Variants in HIF1A observed in about 807,000 individuals in gnomAD.
The protein encoded by HIF1A is hypoxia inducible factor 1 subunit alpha, also known as hypoxia-inducible factor 1-alpha.
In HIF1A, 24 loss-of-function variants were observed where a neutral mutation model predicts 92.7. The ratio of observed to expected loss-of-function variants is 0.26; its 90% CI spans 0.19 to 0.36. The LOEUF is 0.36. Ranked by LOEUF, HIF1A falls within the 10% of genes least tolerant of loss-of-function variation. The pLI, the probability that HIF1A is intolerant of heterozygous loss-of-function variation, is 1.00. For synonymous variants in HIF1A, 319 were observed against 338.7 expected (o/e 0.94, Z 0.64); for missense variants, 799 against 998.5 (o/e 0.80, Z 2.69).
Position 61,747,601 on chromosome 14 carries a change from G to A in HIF1A, c.*516G>A, listed in dbSNP as rs1356614289. ...CAGTTACTCATGGAATATATTCTGC[G>A]TTTATAAAACTAGTTTTTAAGAAGA... On this transcript the variant is annotated 3_prime_UTR_variant, in exon 15 of 15. Coordinates refer to ENST00000337138, the MANE Select transcript of HIF1A (RefSeq NM_001530.4). 6 of 152,364 alleles carry A rather than the reference G, an allele frequency of 3.9e-5. No homozygotes were observed. Among genetic ancestry groups the A allele is most frequent in the South Asian group, 2.1e-4 (1 of 4,812 alleles). The allele number at this position is 152,364 out of a possible 1,614,324, so 9.4% of individuals were successfully genotyped here. A position where few individuals can be genotyped will look rare whatever the true frequency, so the allele number is the denominator to read the frequency against.
At chr14:61,712,469 G>A (rs1454171194) in intron 1 of HIF1A, among the ~76,000 whole-genome samples, 1 of 151,284 alleles carries the variant, frequency 6.6e-6, no homozygotes, top group Non-Finnish European at 1.5e-5. Context: ...GGAGTGATAT[G>A]ACTTGATTTC....
At chr14:61,702,940 A>C (rs1467899177) in intron 1 of HIF1A, among the ~76,000 whole-genome samples, 9 of 152,328 alleles carry the variant, frequency 5.9e-5, no homozygotes, top group African/African-American at 2.2e-4. Context: ...AATAGTGAGG[A>C]AGAGTATCAG....
In HIF1A at chr14:61,747,191, G is replaced by A. The variant is rs983334130; in HGVS notation, c.*106G>A. On this transcript the variant is annotated 3_prime_UTR_variant, in exon 15 of 15. Transcript: ENST00000337138. The stretch of plus-strand genomic sequence containing the variant: ...ATTTTAGAAGCCTGGCTACAATACT[G>A]CACAAACTTGGTTAGTTCAATTTTG... 7 of 935,828 alleles carry A rather than the reference G, an allele frequency of 7.5e-6. No individual in the cohort carries two copies. Among genetic ancestry groups the A allele is most frequent in the South Asian group, 1.9e-5 (1 of 52,594 alleles). The allele number at this position is 935,828 out of a possible 1,614,324, so 58.0% of individuals were successfully genotyped here.
Position 61,741,067 on chromosome 14 carries a change from C to T in HIF1A, c.1972C>T (p.Pro658Ser), listed in dbSNP as rs761540947. 6 of 1,613,772 alleles carry T rather than the reference C, an allele frequency of 3.7e-6. No homozygotes were observed. The highest frequency in any genetic ancestry group is 5.1e-6 in the Non-Finnish European group (6 of 1,179,644). The change falls in exon 12 of 15, where the codon CCA becomes TCA. Residue 658 changes from proline to serine, a missense_variant. By Grantham distance (74) the Pro-to-Ser change is moderately conservative. Around this residue, in one of 2 missense-constraint regions of HIF1A, gnomAD observed 283 missense variants for 277.5 expected, o/e 1.02. Transcript: ENST00000337138. ...HKETTSATSS[P>S]YRDTQSRTAS... ...AGAAACTACTAGTGCCACATCATCA[C>T]CATATAGAGATACTCAAAGTCGGAC... is the stretch of plus-strand genomic sequence containing the variant.
chr14:61,738,262 A>G lies in HIF1A; in HGVS notation c.1425A>G (p.Ala475=). 1 of 1,614,236 alleles carries G rather than the reference A, an allele frequency of 6.2e-7. No individual in the cohort carries two copies. The highest frequency in any genetic ancestry group is 1.1e-5 in the South Asian group (1 of 91,084). ...SADPALNQEV[A]LKLEPNPESL... is the part of the protein sequence containing the mutation. ...ACCCTGCACTCAATCAAGAAGTTGC[A>G]TTAAAATTAGAACCAAATCCAGAGT... The change falls in exon 10 of 15, where the codon GCA becomes GCG. Residue 475 remains alanine (A), a synonymous_variant. Coordinates refer to ENST00000337138, the MANE Select transcript of HIF1A (RefSeq NM_001530.4).
At chr14:61,737,901 C>T (rs2044657875) in intron 9 of HIF1A, among the ~76,000 whole-genome samples, 186 bp from the exon 10 acceptor site, 1 of 152,040 alleles carries the variant, frequency 6.6e-6, no homozygotes, top group African/African-American at 2.4e-5. Flanking sequence ...GTGGTGTGCG[C>T]CTGTAATCCC....
At chr14:61,728,086 T>A (rs189476804) in intron 6 of HIF1A, among the ~76,000 whole-genome samples, 23 of 152,120 alleles carry the variant, frequency 1.5e-4, no homozygotes, top group African/African-American at 5.3e-4. Flanking sequence ...GAATGATACA[T>A]CCTATAATAT....
chr14:61,737,106 A>G lies in HIF1A; in HGVS notation c.1246A>G (p.Asn416Asp). Residue 416 changes from asparagine (N) to aspartate (D), a missense_variant, in exon 9 of 15, where the codon AAC becomes GAC. Physicochemically the swap from Asn to Asp is conservative, Grantham distance 23. Around this residue, in one of 2 missense-constraint regions of HIF1A, gnomAD observed 516 missense variants for 721.0 expected, o/e 0.72. Transcript: ENST00000337138. ...AATCATATCTTTAGATTTTGGCAGCAACGGTGAGTAGTTATTTTTGTTAAT... is the reference window on the plus strand; with the variant it reads ...AATCATATCTTTAGATTTTGGCAGCGACGGTGAGTAGTTATTTTTGTTAAT... ...DTIISLDFGS[N>D]DTETDDQQLE... is the part of the protein sequence containing the mutation. 5 of 1,611,754 alleles carry G rather than the reference A, an allele frequency of 3.1e-6. No individual in the cohort carries two copies. The highest frequency in any genetic ancestry group is 4.2e-6 in the Non-Finnish European group (5 of 1,177,920).
intron 1 of HIF1A, among the ~76,000 whole-genome samples, chr14:61,698,562 A>G (rs2044141529): frequency 6.6e-6 from 1 of 151,790 alleles, no homozygotes; most frequent in Non-Finnish European, 1.5e-5. Context: ...AACTTCCACA[A>G]CTCTTAAAAC....
chr14:61,707,504 T>C (rs529787619), intron 1 of HIF1A, among the ~76,000 whole-genome samples: 2 of 151,906 alleles, frequency 1.3e-5, no homozygotes, highest in South Asian at 2.1e-4. Context: ...CCCCTTCCTG[T>C]GTCCATGTGT....
rs367755754 is a variant in HIF1A, at chr14:61,745,377, C to A, written c.2203-314C>A. Among the ~76,000 whole-genome samples, 54 of 152,256 alleles carry A rather than the reference C, an allele frequency of 3.5e-4. No homozygotes were observed. In the East Asian group the frequency reaches 6.2e-3, roughly 17 times the overall value. ...GGTGGAGGTTGCGATGAGCTGAGAT[C>A]AGGCCACTGCACTCCAGCCTGGGTA... On this transcript the variant is annotated intron_variant, in intron 13 of 14. Coordinates refer to ENST00000337138, the MANE Select transcript of HIF1A (RefSeq NM_001530.4).
At chr14:61,695,881 C>CCCCG (rs1566556835) in intron 1 of HIF1A, 42 bp downstream of exon 1, 1 of 1,541,502 alleles carries the variant, frequency 6.5e-7, no homozygotes, top group South Asian at 1.2e-5. Context: ...CCCCCGGCGA[C>CCCCG]CCCGCCCGCC....
At chr14:61,737,159 C>A (rs1377452211) in intron 9 of HIF1A, 50 bp downstream of exon 9, 5 of 1,297,452 alleles carry the variant, frequency 3.9e-6, no homozygotes, top group South Asian at 2.4e-5. Flanking sequence ...TTGCTACAAG[C>A]CCCATTTCAA....
intron 1 of HIF1A, among the ~76,000 whole-genome samples, chr14:61,705,167 A>G (rs990471740): frequency 2.0e-5 from 3 of 152,118 alleles, no homozygotes; most frequent in African/African-American, 7.2e-5. Flanking sequence ...AGATGTACCC[A>G]GTGACCTCAG....
intron 1 of HIF1A, among the ~76,000 whole-genome samples, chr14:61,719,339 G>A (rs560717623): frequency 2.0e-5 from 3 of 152,246 alleles, no homozygotes; most frequent in Non-Finnish European, 4.4e-5. Context: ...ATTAAGAAGA[G>A]AAATACTGTG....
intron 1 of HIF1A, among the ~76,000 whole-genome samples, chr14:61,701,861 G>C (rs2044180691): frequency 6.6e-6 from 1 of 152,068 alleles, no homozygotes; most frequent in South Asian, 2.1e-4. Flanking sequence ...GGTGGCGGGT[G>C]CCTGTAATCC....
rs780825027 is a variant in HIF1A, at chr14:61,737,102, C to G, written c.1242C>G (p.Gly414=). The part of the protein sequence containing the change: ...AGDTIISLDF[G]SNDTETDDQQ... ...ACACAATCATATCTTTAGATTTTGG[C>G]AGCAACGGTGAGTAGTTATTTTTGT... Residue 414 remains glycine (G), a synonymous_variant, in exon 9 of 15, where the codon GGC becomes GGG. Transcript: ENST00000337138. 121 of 1,612,752 alleles carry G rather than the reference C, an allele frequency of 7.5e-5. No homozygotes were observed. In the Admixed American group the frequency reaches 2.0e-3, roughly 26 times the overall value.
intron 1 of HIF1A, among the ~76,000 whole-genome samples, chr14:61,710,604 A>AT (rs901953096): frequency 6.6e-6 from 1 of 152,058 alleles, no homozygotes; most frequent in Admixed American, 6.6e-5. Context: ...GGTTTTTGCT[A>AT]TTTTTTCCAT....
chr14:61,697,882 A>G, intron 1 of HIF1A: 1 of 1,520,472 alleles, frequency 6.6e-7, no homozygotes, highest in South Asian at 1.2e-5. Flanking sequence ...TTGGAAAACA[A>G]ATTTGTCTTT....
Sources: gnomAD v4.1 joint callset for allele counts (sites outside exome capture counted in the v4.1 genomes callset) on GRCh38, gnomAD v4.1.1 for gene constraint, gnomAD v4.1.1 regional missense constraint, MANE v1.5 for transcripts, NCBI Gene and HGNC (gene_info 2026-07-23, HGNC 2026-07-21) for gene names.